OPHN1: variants seen among roughly 807,000 people sequenced by gnomAD.
The protein encoded by OPHN1 is oligophrenin-1.
Under a neutral mutation model 60.7 loss-of-function variants are expected in OPHN1, and 11 were observed. The observed-to-expected ratio is 0.18, with a 90% CI of 0.11 to 0.30. The LOEUF (loss-of-function observed/expected upper bound fraction) is 0.30, where lower values mean the gene tolerates loss of function less well. OPHN1 is among the 10% of genes least tolerant of loss of function. The pLI is 1.00. For missense variants in OPHN1, 449 were observed against 611.0 expected, an observed-to-expected ratio of 0.73 and a Z score of 2.80; for synonymous variants, 226 against 222.6, an observed-to-expected ratio of 1.02 and a Z score of -0.14.
At chrX:68,185,266 C>G (rs1017614834) in intron 15 of OPHN1, among the ~76,000 whole-genome samples, 5 of 112,572 alleles carry the variant, frequency 4.4e-5, no homozygotes, top group African/African-American at 9.7e-5. Context: ...TAACAAAATA[C>G]AACCATGTAT....
At chrX:68,279,281 T>C (rs773181655) in intron 4 of OPHN1, among the ~76,000 whole-genome samples, 125 of 105,944 alleles carry the variant, frequency 1.2e-3, no homozygotes, top group Non-Finnish European at 2.0e-3. Flanking sequence ...CAGCTAATTT[T>C]TGTATTTTTA....
In OPHN1 at chrX:68,175,093, G is replaced by GA. The variant is rs1341633656; in HGVS notation, c.1276+17825dup. 1.2e-4 allele frequency among the ~76,000 whole-genome samples: 13 copies of GA among 108,066 alleles called. No homozygotes were observed. In the East Asian group the frequency reaches 3.8e-3, roughly 32 times the overall value. The allele number at this position is 108,066 out of a possible 115,157, so 93.8% of individuals were successfully genotyped here. A position where few individuals can be genotyped will look rare whatever the true frequency, so the allele number is the denominator to read the frequency against. On this transcript the variant is annotated intron_variant, in intron 15 of 24. Coordinates refer to ENST00000355520, the MANE Select transcript of OPHN1 (RefSeq NM_002547.3). Reference sequence around the variant, plus strand: ...GCGAGACTCTGTCTCAAAAAAAAAAGAAAAAAAATCCCCCAAAACCTGTAA... The same window carrying GA: ...GCGAGACTCTGTCTCAAAAAAAAAAGAAAAAAAAATCCCCCAAAACCTGTAA...
intron 4 of OPHN1, among the ~76,000 whole-genome samples, chrX:68,280,807 C>T (rs1448260745): frequency 1.8e-5 from 2 of 110,801 alleles, no homozygotes; most frequent in African/African-American, 6.6e-5. Context: ...CTAAGGACCA[C>T]ACAAAAAGAT....
At chrX:68,347,857 C>T (rs561870553) in intron 2 of OPHN1, among the ~76,000 whole-genome samples, 25,153 of 110,808 alleles carry the variant, frequency 0.23, 2,798 homozygotes, top group African/African-American at 0.43. Context: ...ATTAATTTTG[C>T]AAAGCACTTT....
At chrX:68,058,399 G>T (rs754740523) in intron 21 of OPHN1, among the ~76,000 whole-genome samples, 1 of 111,213 alleles carries the variant, frequency 9.0e-6, no homozygotes, top group Non-Finnish European at 1.9e-5. Flanking sequence ...CCACATTAGA[G>T]GGTCAATCTT....
intron 2 of OPHN1, among the ~76,000 whole-genome samples, chrX:68,400,752 C>T (rs1427146267): frequency 9.2e-6 from 1 of 109,243 alleles, no homozygotes; most frequent in East Asian, 2.9e-4. Flanking sequence ...CAGGCGTGCA[C>T]CACCATGCCT....
At chrX:68,159,221 A>T (rs1171097604) in intron 15 of OPHN1, among the ~76,000 whole-genome samples, 2 of 108,756 alleles carry the variant, frequency 1.8e-5, no homozygotes, top group Non-Finnish European at 3.9e-5. Context: ...TTTTTGTGGT[A>T]AGCAATTATG....
At chrX:68,101,425 C>G (rs781129662) in intron 18 of OPHN1, among the ~76,000 whole-genome samples, 12 of 112,035 alleles carry the variant, frequency 1.1e-4, no homozygotes, top group African/African-American at 3.9e-4. Context: ...ATTCAGATTA[C>G]AATTTGAGAA....
intron 2 of OPHN1, among the ~76,000 whole-genome samples, chrX:68,391,444 T>G (rs1179194682): frequency 1.8e-5 from 2 of 110,734 alleles, no homozygotes; most frequent in Non-Finnish European, 3.8e-5. Flanking sequence ...AAAGCATACG[T>G]TTTTGTCTTA....
intron 18 of OPHN1, among the ~76,000 whole-genome samples, chrX:68,108,082 G>C (rs1382577419): frequency 8.9e-6 from 1 of 111,847 alleles, no homozygotes; most frequent in Non-Finnish European, 1.9e-5. Flanking sequence ...CAGGAGTTTT[G>C]TTTTTCAACA....
At chrX:68,057,125 C>T (rs1357072760) in intron 21 of OPHN1, among the ~76,000 whole-genome samples, 1 of 111,742 alleles carries the variant, frequency 8.9e-6, no homozygotes, top group African/African-American at 3.3e-5. Context: ...TTGATCAGTC[C>T]ATCTGATTTC....
chrX:68,226,170 A>C (rs905216828), intron 6 of OPHN1, among the ~76,000 whole-genome samples: 24 of 111,687 alleles, frequency 2.1e-4, no homozygotes, highest in Admixed American at 1.9e-3. Flanking sequence ...TGAGAAGAGA[A>C]GTTTAGAGAA....
At chrX:68,193,399 C>A (rs774613955) in intron 14 of OPHN1, among the ~76,000 whole-genome samples, 18 of 111,472 alleles carry the variant, frequency 1.6e-4, no homozygotes, top group Non-Finnish European at 3.0e-4. Context: ...AACAAAAGGC[C>A]ATTTCCTGCA....
intron 19 of OPHN1, among the ~76,000 whole-genome samples, chrX:68,088,312 TC>T (rs1200893144): frequency 1.8e-5 from 2 of 111,204 alleles, no homozygotes; most frequent in Admixed American, 1.9e-4. Context: ...TCATTCCCCT[TC>T]CCAGTTGTCT....
At chrX:68,184,774 T>C (rs1485696606) in intron 15 of OPHN1, among the ~76,000 whole-genome samples, 1 of 110,003 alleles carries the variant, frequency 9.1e-6, no homozygotes, top group African/African-American at 3.3e-5. Context: ...TTTTGTATTT[T>C]TAGTAGAGAT....
rs781723303 is a variant in OPHN1, at chrX:68,093,610, C to T, written c.1686+3260G>A. Among the ~76,000 whole-genome samples, 23 of 111,306 alleles carry T rather than the reference C, an allele frequency of 2.1e-4. No individual in the cohort carries two copies. In the South Asian group the frequency reaches 7.9e-3, roughly 38 times the overall value. The stretch of plus-strand genomic sequence containing the variant: ...GTATTGCCACTATATATTTTTTTAA[C>T]GTTACCTATTCTAATAGGTGTGTAG... On this transcript the variant is annotated intron_variant, in intron 19 of 24. Transcript: ENST00000355520.
intron 2 of OPHN1, among the ~76,000 whole-genome samples, chrX:68,317,408 GA>G (rs1487599093): frequency 3.3e-5 from 3 of 91,521 alleles, no homozygotes; most frequent in African/African-American, 1.2e-4. Context: ...AGGAAGGAAG[GA>G]AGGAAGGAAG....
chrX:68,209,853 T>A (rs762373006), intron 9 of OPHN1, among the ~76,000 whole-genome samples: 72 of 111,736 alleles, frequency 6.4e-4, no homozygotes, highest in African/African-American at 2.0e-3. Flanking sequence ...CTTCCTTTCC[T>A]CTACTTCCCT....
At chrX:68,396,641 C>G (rs1208070878) in intron 2 of OPHN1, among the ~76,000 whole-genome samples, 2 of 108,430 alleles carry the variant, frequency 1.8e-5, no homozygotes, top group African/African-American at 6.7e-5. Flanking sequence ...ATGGTGAAAC[C>G]CCATCTCTCC....
Sources: allele counts gnomAD v4.1 joint callset (sites outside exome capture counted in the v4.1 genomes callset), GRCh38; gene constraint gnomAD v4.1.1; transcripts MANE v1.5; gene names NCBI Gene and HGNC (gene_info 2026-07-23, HGNC 2026-07-21).